FRY: variants seen among roughly 807,000 people sequenced by gnomAD.
The protein encoded by FRY is protein furry homolog.
In FRY, 128 loss-of-function variants were observed where a neutral mutation model predicts 348.4. That is an observed-to-expected ratio of 0.37 (90% CI 0.32 to 0.43). The LOEUF is 0.43. Among genes scored for constraint, FRY ranks in the 20% least tolerant of loss-of-function variants. The probability of loss-of-function intolerance (pLI) is 1.00; values close to 1 mark genes in which losing one functional copy is unlikely to be tolerated. For missense variants in FRY, 2,736 were observed against 3,695.2 expected, an observed-to-expected ratio of 0.74 and a Z score of 6.73; for synonymous variants, 1,370 against 1,374.7, an observed-to-expected ratio of 1.00 and a Z score of 0.08.
At chr13:32,115,925 T>G (rs904188004) in intron 3 of FRY, among the ~76,000 whole-genome samples, 2 of 152,134 alleles carry the variant, frequency 1.3e-5, no homozygotes, top group African/African-American at 2.4e-5. Context: ...TCATACCAAT[T>G]AAATGATTCT....
intron 16 of FRY, 43 bp from the exon 17 acceptor site, chr13:32,161,101 A>G (rs1881419379): frequency 2.4e-6 from 3 of 1,248,726 alleles, no homozygotes; most frequent in Non-Finnish European, 3.5e-6. Context: ...TTTTATTTTC[A>G]CAGCTTTTTG....
At chr13:32,269,238 T>C (rs550419223) in intron 55 of FRY, among the ~76,000 whole-genome samples, 4 of 152,338 alleles carry the variant, frequency 2.6e-5, no homozygotes, top group East Asian at 1.9e-4. Context: ...GGAGACTCCA[T>C]AGGTAAATCT....
intron 35 of FRY, among the ~76,000 whole-genome samples, chr13:32,217,337 C>T (rs1885054404): frequency 6.6e-6 from 1 of 151,990 alleles, no homozygotes; most frequent in African/African-American, 2.4e-5. Flanking sequence ...CCCACACTGC[C>T]CCTGAACCAC....
chr13:32,134,780 C>G (rs1484010517), intron 8 of FRY, 124 bp from the exon 9 acceptor site: 1 of 767,666 alleles, frequency 1.3e-6, no homozygotes, highest in Non-Finnish European at 2.4e-6. Context: ...TTTTAATAGA[C>G]TATGGAATAT....
chr13:32,036,382 G>A (rs1440171134), intron 1 of FRY, among the ~76,000 whole-genome samples: 1 of 152,066 alleles, frequency 6.6e-6, no homozygotes, highest in Non-Finnish European at 1.5e-5. Context: ...GTAGTTTACA[G>A]CTCTAAGGAA....
At chr13:32,114,356 G>A (rs756433962) in intron 3 of FRY, among the ~76,000 whole-genome samples, 13 of 152,176 alleles carry the variant, frequency 8.5e-5, no homozygotes, top group Non-Finnish European at 1.8e-4. Context: ...TGTTTTATGT[G>A]TTGGGCTTTT....
chr13:32,263,845 A>G (rs1191914075), intron 53 of FRY, among the ~76,000 whole-genome samples: 1 of 152,174 alleles, frequency 6.6e-6, no homozygotes, highest in Non-Finnish European at 1.5e-5. Context: ...TGTCTCTACT[A>G]AAAACACAAA....
rs763412440 is a variant in FRY, at chr13:32,237,984, T to G, written c.6416T>G (p.Ile2139Ser). ...KISMVDASHA[I>S]GFPLNVLCLL... ...TCCATGGTGGATGCATCCCACGCTA[T>G]TGGTAAAGCCAGCCTCGTTCACCCT... Residue 2139 changes from isoleucine (I) to serine (S), a missense_variant and splice_region_variant, in exon 44 of 61, where the codon ATT becomes AGT. This residue lies in a region of FRY where 789 missense variants were observed against 996.2 expected (regional missense o/e 0.79). Transcript: ENST00000542859. This position sits in a 1 kb window ranked among gnomAD's most constrained non-coding sequence, Gnocchi z 6.3. The G allele has an allele frequency of 6.2e-7, 1 of 1,613,644 alleles. No individual in the cohort carries two copies. The highest frequency in any genetic ancestry group is 8.5e-7 in the Non-Finnish European group (1 of 1,180,024).
intron 56 of FRY, among the ~76,000 whole-genome samples, chr13:32,275,352 C>T (rs1888484373): frequency 6.6e-6 from 1 of 152,098 alleles, no homozygotes; most frequent in South Asian, 2.1e-4. Context: ...CACACCACTG[C>T]ACTCCAGCCT....
At chr13:32,207,514 G>A (rs1884427545) in intron 31 of FRY, among the ~76,000 whole-genome samples, 1 of 152,114 alleles carries the variant, frequency 6.6e-6, no homozygotes, top group Non-Finnish European at 1.5e-5. Context: ...CTAGCACAGT[G>A]GCTTGCACCT....
In FRY at chr13:32,214,965, G is replaced by A. The variant is rs148251320; in HGVS notation, c.4682+2583G>A. ...ACAACTAGATTAATGGTTCTTTGAT[G>A]TGACTCAGTAATATTTAATAATGCC... On this transcript the variant is annotated intron_variant, in intron 35 of 60. Transcript: ENST00000542859. 7.9e-5 allele frequency among the ~76,000 whole-genome samples: 12 copies of A among 152,298 alleles called. No individual in the cohort carries two copies. In the East Asian group the frequency reaches 2.3e-3, roughly 29 times the overall value.
At position 32,103,785 on chromosome 13, in the gene FRY, C is replaced by T. The variant is rs187228263; in HGVS notation, c.324+1769C>T. Among the ~76,000 whole-genome samples the T allele has an allele frequency of 2.6e-5, 4 of 152,090 alleles. No individual in the cohort carries two copies. The East Asian group carries it at 7.7e-4, about 29-fold the overall frequency. ...TTCGAGACCAGACTGGGAAACATGGCGAAACCTTGCTGCTATCAAAAATAC... is the reference window on the plus strand; with the variant it reads ...TTCGAGACCAGACTGGGAAACATGGTGAAACCTTGCTGCTATCAAAAATAC... On this transcript the variant is annotated intron_variant, in intron 3 of 60. Coordinates refer to ENST00000542859, the MANE Select transcript of FRY (RefSeq NM_023037.3).
At chr13:32,070,708 T>C (rs1488508227) in intron 1 of FRY, among the ~76,000 whole-genome samples, 1 of 152,198 alleles carries the variant, frequency 6.6e-6, no homozygotes, top group Non-Finnish European at 1.5e-5. Flanking sequence ...AGAAACTCTT[T>C]AGTTTAATTA....
chr13:32,261,133 T>C (rs1424145435), intron 51 of FRY, among the ~76,000 whole-genome samples: 1 of 152,234 alleles, frequency 6.6e-6, no homozygotes. Context: ...GCTGGAATGT[T>C]TACCTAATGC....
chr13:32,137,674 T>G (rs1879806235), intron 11 of FRY, among the ~76,000 whole-genome samples: 1 of 152,234 alleles, frequency 6.6e-6, no homozygotes, highest in African/African-American at 2.4e-5. Flanking sequence ...ATGAAAACTA[T>G]CCCTAACATA....
chr13:32,046,448 G>A (rs536394488), intron 1 of FRY, among the ~76,000 whole-genome samples: 54 of 152,202 alleles, frequency 3.5e-4, no homozygotes, highest in Non-Finnish European at 2.9e-4. Context: ...CTCAGAAGTT[G>A]AGACCAAGCC....
At chr13:32,141,702 T>C (rs903419161) in intron 11 of FRY, among the ~76,000 whole-genome samples, 1 of 152,220 alleles carries the variant, frequency 6.6e-6, no homozygotes, top group African/African-American at 2.4e-5. Flanking sequence ...ACTGATTGCA[T>C]CACCAGCCAA....
At chr13:32,059,903 C>T (rs1464623271) in intron 1 of FRY, among the ~76,000 whole-genome samples, 1 of 152,196 alleles carries the variant, frequency 6.6e-6, no homozygotes, top group African/African-American at 2.4e-5. Flanking sequence ...ATTCTAAACC[C>T]TGAATGTGTA....
At chr13:32,105,571 A>C (rs1877482985) in intron 3 of FRY, among the ~76,000 whole-genome samples, 1 of 152,202 alleles carries the variant, frequency 6.6e-6, no homozygotes. Context: ...GTTTTATTCC[A>C]AACAGTAGGA....
Sources: gnomAD v4.1 joint callset for allele counts (sites outside exome capture counted in the v4.1 genomes callset) on GRCh38, gnomAD v4.1.1 for gene constraint, gnomAD v4.1.1 regional missense constraint, Gnocchi (gnomAD v3.1) non-coding constraint, MANE v1.5 for transcripts, NCBI Gene and HGNC (gene_info 2026-07-23, HGNC 2026-07-21) for gene names.